The following ABCC6 variants were observed in gnomAD, a reference collection of about 807,000 sequenced individuals.
ABCC6 encodes the protein ATP binding cassette subfamily C member 6.
Under a neutral mutation model 169.5 loss-of-function variants are expected in ABCC6, and 126 were observed. That is an observed-to-expected ratio of 0.74 (90% confidence interval 0.64 to 0.86). ABCC6 has a LOEUF of 0.86. ABCC6 is among the 40% of genes least tolerant of loss of function. ABCC6 has a pLI of 0.00. For synonymous variants in ABCC6, 752 were observed against 814.7 expected (o/e 0.92, Z 1.31); for missense variants, 1,733 against 1,927.2 (o/e 0.90, Z 1.89).
At chr16:16,182,997 G>T in intron 15 of ABCC6, 67 bp from the exon 16 acceptor site, 1 of 1,612,926 alleles carries the variant, frequency 6.2e-7, no homozygotes, top group Non-Finnish European at 8.5e-7. Flanking sequence ...GGAAGGATGA[G>T]CCCCAGACGG....
intron 11 of ABCC6, among the ~76,000 whole-genome samples, chr16:16,190,706 A>C (rs2152270510): frequency 6.8e-6 from 1 of 147,884 alleles, no homozygotes; most frequent in East Asian, 2.0e-4. Context: ...TTTACCTTTT[A>C]CATTTTTTGT....
intron 15 of ABCC6, chr16:16,184,228 G>C (rs1313868824): frequency 2.0e-5 from 1 of 49,498 alleles, no homozygotes; most frequent in South Asian, 2.2e-4. Flanking sequence ...AAAAAAAAAA[G>C]AACAGCTCTT....
At position 16,190,145 on chromosome 16, in the gene ABCC6, G is replaced by C; in HGVS notation, c.1635+19C>G. ...TCCTTCCCCAGTGCTGCTCAGCATA[G>C]AGACTAGAGTGACGTCACCAGAAAT... On this transcript the variant is annotated intron_variant, in intron 12 of 30. Transcript: ENST00000205557. 1 of 1,612,450 alleles carries C rather than the reference G, an allele frequency of 6.2e-7. No individual in the cohort carries two copies. The highest frequency in any genetic ancestry group is 8.5e-7 in the Non-Finnish European group (1 of 1,179,662).
chr16:16,169,502 A>G, intron 22 of ABCC6, 144 bp downstream of exon 22: 1 of 960,786 alleles, frequency 1.0e-6, no homozygotes, highest in Non-Finnish European at 1.6e-6. Flanking sequence ...CATCTTAAGG[A>G]CGCAGATCTT....
Position 16,182,875 on chromosome 16 carries a change from C to A in ABCC6, c.1999G>T (p.Ala667Ser), listed in dbSNP as rs771260023. ...CLLAVVGPVGAGKSSLLSALL... is the reference protein window; with the variant it reads ...CLLAVVGPVGSGKSSLLSALL... The stretch of plus-strand genomic sequence containing the variant: ...GCGGACAGCAGGGAGGACTTCCCTG[C>A]CCCCACTGGACCGACAACAGCCAGC... The change falls in exon 16 of 31, where the codon GCA becomes TCA. Residue 667 changes from alanine to serine, a missense_variant. Physicochemically the swap from Ala to Ser is moderately conservative, Grantham distance 99 (BLOSUM62 1). Transcript: ENST00000205557. The A allele has an allele frequency of 6.2e-7, 1 of 1,614,024 alleles. No individual in the cohort carries two copies. Among genetic ancestry groups the A allele is most frequent in the South Asian group, 1.1e-5 (1 of 91,068 alleles).
Position 16,154,906 on chromosome 16 carries a change from G to T in ABCC6, c.4008C>A (p.His1336Gln). Residue 1336 changes from histidine to glutamine, a missense_variant, in exon 28 of 31, where the codon CAC becomes CAA. This residue lies in a region of ABCC6 where 1,601 missense variants were observed against 1,635.5 expected (regional missense o/e 0.98). Coordinates refer to ENST00000205557, the MANE Select transcript of ABCC6 (RefSeq NM_001171.6). ...TGATGCTGATCCTGGAGCGCAGTGT[G>T]TGCAGCCCCACGTGGGCAATGGGGA... ...DGVPIAHVGL[H>Q]TLRSRISIIP... The T allele has an allele frequency of 6.2e-7, 1 of 1,611,268 alleles. No homozygotes were observed. The highest frequency in any genetic ancestry group is 8.5e-7 in the Non-Finnish European group (1 of 1,178,916).
At chr16:16,201,747 G>C (rs2048241401) in intron 9 of ABCC6, among the ~76,000 whole-genome samples, 1 of 152,170 alleles carries the variant, frequency 6.6e-6, no homozygotes, top group South Asian at 2.1e-4. Context: ...AGAATCACTT[G>C]AACCCGGGAG....
At chr16:16,168,195 T>G (rs540465226) in intron 22 of ABCC6, among the ~76,000 whole-genome samples, 9 of 6,658 alleles carry the variant, frequency 1.4e-3, no homozygotes, top group Non-Finnish European at 0.011. Context: ...CAACTGTCCT[T>G]TAAAGATGAA....
intron 17 of ABCC6, chr16:16,181,930 C>T (rs1393920365): frequency 4.2e-6 from 1 of 237,854 alleles, no homozygotes; most frequent in African/African-American, 2.3e-5. Flanking sequence ...AAGACTCTGT[C>T]TCCAAAACAA....
chr16:16,174,923 C>CT (rs202016297), intron 20 of ABCC6, among the ~76,000 whole-genome samples: 26 of 147,870 alleles, frequency 1.8e-4, no homozygotes, highest in South Asian at 6.5e-4. Context: ...ACCACGCCGG[C>CT]TTTTTTTTTT....
intron 15 of ABCC6, chr16:16,184,306 G>A: frequency 4.8e-6 from 1 of 209,660 alleles, no homozygotes; most frequent in Non-Finnish European, 1.0e-5. Flanking sequence ...ACATGCCATC[G>A]TACTCTGTTC....
chr16:16,210,611 G>A (rs372585916), intron 6 of ABCC6, among the ~76,000 whole-genome samples: 1,536 of 152,294 alleles, frequency 0.01, 14 homozygotes, highest in Middle Eastern at 0.048. Flanking sequence ...TTTAAAAACA[G>A]TTTATTCGAG....
At chr16:16,193,310 C>T (rs1463896306) in intron 10 of ABCC6, among the ~76,000 whole-genome samples, 1 of 152,176 alleles carries the variant, frequency 6.6e-6, no homozygotes, top group African/African-American at 2.4e-5. Flanking sequence ...ATAATCCACC[C>T]CTTGTTTAGC....
chr16:16,154,552 T>A, intron 29 of ABCC6, 76 bp downstream of exon 29: 1 of 1,581,894 alleles, frequency 6.3e-7, no homozygotes, highest in Admixed American at 1.7e-5. Context: ...AGGCATTTCC[T>A]GAAGGCCCTT....
At chr16:16,157,286 T>C (rs1039488897) in intron 27 of ABCC6, among the ~76,000 whole-genome samples, 53 of 152,186 alleles carry the variant, frequency 3.5e-4, no homozygotes, top group African/African-American at 1.3e-3. Flanking sequence ...ATGGGAAAAC[T>C]GAGACTGAGC....
rs144288355 is a variant in ABCC6 at position 16,160,900 on chromosome 16, A to T, written c.3633+538T>A. 9.0e-3 allele frequency among the ~76,000 whole-genome samples: 1,365 copies of T among 152,144 alleles called. 11 individuals carry two copies. The highest frequency in any genetic ancestry group is 0.037 in the South Asian group (176 of 4,812). On this transcript the variant is annotated intron_variant, in intron 25 of 30. Coordinates refer to ENST00000205557, the MANE Select transcript of ABCC6 (RefSeq NM_001171.6). Reference sequence around the variant, plus strand: ...CAAATGCTTATGAGTGTATATATATATTTTTTTCATAGATGTCATGAACTG... The same window carrying T: ...CAAATGCTTATGAGTGTATATATATTTTTTTTTCATAGATGTCATGAACTG...
chr16:16,154,601 G>A, intron 29 of ABCC6, 27 bp downstream of exon 29: 2 of 1,611,284 alleles, frequency 1.2e-6, no homozygotes, highest in Non-Finnish European at 1.7e-6. Flanking sequence ...CCACCTGCAG[G>A]TCCCAGCCAT....
chr16:16,203,263 C>T, intron 8 of ABCC6, 147 bp downstream of exon 8: 9 of 1,410,566 alleles, frequency 6.4e-6, no homozygotes, highest in Non-Finnish European at 8.7e-6. Context: ...ATCCATTTCC[C>T]TTCCTCAGTG....
In ABCC6 at chr16:16,187,316, C is replaced by G. The variant is rs1596670862; in HGVS notation, c.1780-105G>C. The G allele has an allele frequency of 8.0e-5, 73 of 917,060 alleles. No individual in the cohort carries two copies. In the East Asian group the frequency reaches 1.8e-3, roughly 23 times the overall value. 56.8% of individuals were successfully genotyped at this position (917,060 alleles called of 1,614,324 possible). On this transcript the variant is annotated intron_variant, in intron 13 of 30. Transcript: ENST00000205557. ...TGGCAACAGCTTCCTGTCTACCAAG[C>G]TCTGTGCATAGGAGGCGTGAGGACA...
Sources: allele counts gnomAD v4.1 joint callset (sites outside exome capture counted in the v4.1 genomes callset), GRCh38; gene constraint gnomAD v4.1.1; regional missense constraint gnomAD v4.1.1; transcripts MANE v1.5; gene names NCBI Gene and HGNC (gene_info 2026-07-23, HGNC 2026-07-21).